Variants in GARRE1 observed in about 807,000 individuals in gnomAD.
GARRE1 encodes granule associated Rac and RHOG effector 1.
A neutral mutation model predicts 103.2 loss-of-function variants in GARRE1; 49 were observed. The observed-to-expected ratio is 0.47, with a 90% CI of 0.38 to 0.60. The LOEUF (loss-of-function observed/expected upper bound fraction) is 0.60, where lower values mean the gene tolerates loss of function less well. Ranked by LOEUF, GARRE1 falls within the 20% of genes least tolerant of loss-of-function variation. The probability of loss-of-function intolerance (pLI) is 0.00; values close to 1 mark genes in which losing one functional copy is unlikely to be tolerated. For synonymous variants in GARRE1, 505 were observed against 532.8 expected (o/e 0.95, Z 0.72); for missense variants, 1,199 against 1,370.5 (o/e 0.87, Z 1.98).
intron 1 of GARRE1, among the ~76,000 whole-genome samples, chr19:34,258,038 C>G (rs866784761): frequency 6.6e-6 from 1 of 151,644 alleles, no homozygotes; most frequent in Non-Finnish European, 1.5e-5. Context: ...TACAGGTCTG[C>G]GCCACCACCC....
In GARRE1 at chr19:34,300,313, C is replaced by T; in HGVS notation, c.-161C>T. On this transcript the variant is annotated 5_prime_UTR_variant, in exon 2 of 14. Transcript: ENST00000299505. ...TTAATTATATAAACCTGTTGTCTCT[C>T]ACCTCTACATTGGATCACATGGTCA... The T allele has an allele frequency of 1.5e-6, 1 of 659,790 alleles. No homozygotes were observed. The highest frequency in any genetic ancestry group is 2.5e-6 in the Non-Finnish European group (1 of 404,400). The allele number at this position is 659,790 out of a possible 1,614,324, so 40.9% of individuals were successfully genotyped here. A position where few individuals can be genotyped will look rare whatever the true frequency, so the allele number is the denominator to read the frequency against.
chr19:34,264,398 C>CT (rs924213933), intron 1 of GARRE1, among the ~76,000 whole-genome samples: 49 of 146,408 alleles, frequency 3.3e-4, no homozygotes, highest in Admixed American at 6.8e-4. Context: ...GATGACATGT[C>CT]TTTTTTTTTT....
chr19:34,312,114 C>CCTGTTT (rs2074039968), intron 2 of GARRE1, among the ~76,000 whole-genome samples: 1 of 152,032 alleles, frequency 6.6e-6, no homozygotes, highest in Admixed American at 6.6e-5. Context: ...CCATGCCTGG[C>CCTGTTT]CTGTTTCTGT....
chr19:34,320,191 C>A, intron 3 of GARRE1, 75 bp downstream of exon 3: 1 of 1,182,626 alleles, frequency 8.5e-7, no homozygotes, highest in Non-Finnish European at 1.2e-6. Context: ...CCTGTTGATT[C>A]TCAAAACAGC....
At chr19:34,264,762 AT>A (rs1200108160) in intron 1 of GARRE1, among the ~76,000 whole-genome samples, 1 of 152,150 alleles carries the variant, frequency 6.6e-6, no homozygotes, top group Non-Finnish European at 1.5e-5. Context: ...TGATTTGTAA[AT>A]GGTGACATCT....
At chr19:34,350,386 C>T (rs2074230763) in intron 12 of GARRE1, among the ~76,000 whole-genome samples, 1 of 152,192 alleles carries the variant, frequency 6.6e-6, no homozygotes, top group Non-Finnish European at 1.5e-5. Context: ...TTCTTTCAGA[C>T]ATATGACTGA....
chr19:34,266,002 A>G (rs969163132), intron 1 of GARRE1, among the ~76,000 whole-genome samples: 5 of 152,104 alleles, frequency 3.3e-5, no homozygotes, highest in African/African-American at 1.2e-4. Context: ...GTTTCTTTGT[A>G]TTGGAGCATC....
intron 2 of GARRE1, 86 bp from the exon 3 acceptor site, chr19:34,319,821 C>T (rs1417643368): frequency 2.1e-5 from 23 of 1,084,040 alleles, no homozygotes; most frequent in Non-Finnish European, 3.0e-5. Context: ...ACTATTGCTT[C>T]TATTCAAGTT....
At position 34,330,261 on chromosome 19, in the gene GARRE1, A is replaced by G. The variant is rs758271896; in HGVS notation, c.1177A>G (p.Thr393Ala). 3.7e-6 allele frequency: 6 copies of G among 1,614,064 alleles called. No individual in the cohort carries two copies. Among genetic ancestry groups the G allele is most frequent in the Non-Finnish European group, 5.1e-6 (6 of 1,180,020 alleles). ...CACATCCAGGGATGATTTTCCTGTG[A>G]CTGAAGTGCTGAACCAGGTTTGCCC... Reference protein sequence around the residue: ...GITSRDDFPVTEVLNQVCPST... With the variant: ...GITSRDDFPVAEVLNQVCPST... The change falls in exon 7 of 14, where the codon ACT becomes GCT. Residue 393 changes from threonine (T) to alanine (A), a missense_variant. Coordinates refer to ENST00000299505, the MANE Select transcript of GARRE1 (RefSeq NM_014686.5).
intron 2 of GARRE1, among the ~76,000 whole-genome samples, chr19:34,303,920 T>G (rs1039461289): frequency 2.6e-5 from 4 of 152,052 alleles, no homozygotes; most frequent in Non-Finnish European, 5.9e-5. Context: ...CCCGGCCTTG[T>G]TTTTATTTTT....
chr19:34,294,419 T>A (rs1437908147), intron 1 of GARRE1, among the ~76,000 whole-genome samples: 1 of 151,338 alleles, frequency 6.6e-6, no homozygotes, highest in African/African-American at 2.4e-5. Flanking sequence ...AGAGACCCCA[T>A]CTCTAAAAGC....
chr19:34,257,837 T>C (rs1192815485), intron 1 of GARRE1, among the ~76,000 whole-genome samples: 1 of 152,138 alleles, frequency 6.6e-6, no homozygotes, highest in Non-Finnish European at 1.5e-5. Context: ...AGCTATTCTT[T>C]CTTGCTCTCG....
At chr19:34,330,748 T>TTTG (rs1555710004) in intron 7 of GARRE1, among the ~76,000 whole-genome samples, 8 of 128,364 alleles carry the variant, frequency 6.2e-5, no homozygotes, top group Admixed American at 3.3e-4. Flanking sequence ...TTTTTTTTTT[T>TTTG]TGTGTGTGTG....
chr19:34,307,298 T>G lies in GARRE1; in HGVS notation c.495+6330T>G, dbSNP rs1312960017. ...CAGCGATGCCACTTCTCCCCTTGCC[T>G]TCTTCATACTGGGTAGCTCCAGGGC... On this transcript the variant is annotated intron_variant, in intron 2 of 13. Transcript: ENST00000299505. 5.3e-5 allele frequency among the ~76,000 whole-genome samples: 8 copies of G among 152,214 alleles called. No individual in the cohort carries two copies. In the East Asian group the frequency reaches 1.5e-3, roughly 29 times the overall value.
intron 1 of GARRE1, among the ~76,000 whole-genome samples, chr19:34,275,466 G>A (rs570288151): frequency 4.0e-5 from 6 of 150,726 alleles, no homozygotes; most frequent in South Asian, 2.1e-4. Flanking sequence ...ATGGATTTAC[G>A]TAATTGGTAC....
At chr19:34,316,427 C>T (rs566446420) in intron 2 of GARRE1, among the ~76,000 whole-genome samples, 1 of 152,286 alleles carries the variant, frequency 6.6e-6, no homozygotes, top group South Asian at 2.1e-4. Flanking sequence ...CCTGGGGTCA[C>T]ACTCTCCCAA....
rs796616515 is a variant in GARRE1, at chr19:34,344,848, T to A, written c.2521+2393T>A. Among the ~76,000 whole-genome samples the A allele has an allele frequency of 7.9e-5, 12 of 151,504 alleles. 1 individual carries two copies. The highest frequency in any genetic ancestry group is 2.9e-4 in the African/African-American group (12 of 41,380). On this transcript the variant is annotated intron_variant, in intron 10 of 13. Coordinates refer to ENST00000299505, the MANE Select transcript of GARRE1 (RefSeq NM_014686.5). ...GCCACCACACCCAGCTAATTTTTTT[T>A]TTTTTTTATACGGAGTCTCGCTCTA...
In GARRE1 at chr19:34,274,004, A is replaced by G. The variant is rs1046057714; in HGVS notation, c.-796+19390A>G. Among the ~76,000 whole-genome samples, 58 of 152,196 alleles carry G rather than the reference A, an allele frequency of 3.8e-4. 1 individual carries two copies. Among genetic ancestry groups the G allele is most frequent in the South Asian group, 2.9e-3 (14 of 4,816 alleles). On this transcript the variant is annotated intron_variant, in intron 1 of 13. Coordinates refer to ENST00000299505, the MANE Select transcript of GARRE1 (RefSeq NM_014686.5). ...GCATCCAGAGGGGAGTAGCCCAGGCATTTGGAAGATCACTCAGGAGGCGCC... is the reference window on the plus strand; with the variant it reads ...GCATCCAGAGGGGAGTAGCCCAGGCGTTTGGAAGATCACTCAGGAGGCGCC...
Position 34,279,374 on chromosome 19 carries a change from C to T in GARRE1, c.-795-20305C>T, listed in dbSNP as rs74957177. 2.2e-3 allele frequency among the ~76,000 whole-genome samples: 341 copies of T among 152,086 alleles called. 4 individuals are homozygous for T. The highest frequency in any genetic ancestry group is 7.4e-3 in the African/African-American group (306 of 41,500). On this transcript the variant is annotated intron_variant, in intron 1 of 13. Transcript: ENST00000299505. ...GGAGTTCAGTGGCCCATTGCGATCT[C>T]GGCTCACTGCAACCTGTGCTTCCCG...
Sources: gnomAD v4.1 joint callset for allele counts (sites outside exome capture counted in the v4.1 genomes callset) on GRCh38, gnomAD v4.1.1 for gene constraint, MANE v1.5 for transcripts, NCBI Gene and HGNC (gene_info 2026-07-23, HGNC 2026-07-21) for gene names.